Variants in NCLN observed in about 807,000 individuals in gnomAD.
NCLN encodes the protein nicalin.
NCLN carries 34 observed loss-of-function variants against 69.5 expected under a neutral mutation model. The observed-to-expected ratio is 0.49, with a 90% confidence interval of 0.37 to 0.65. The LOEUF is 0.65. NCLN is among the 30% of genes least tolerant of loss of function. The probability of loss-of-function intolerance (pLI) is 0.00; values close to 1 mark genes in which losing one functional copy is unlikely to be tolerated. For missense variants in NCLN, 710 were observed against 804.8 expected, an observed-to-expected ratio of 0.88 and a Z score of 1.42; for synonymous variants, 393 against 358.3, an observed-to-expected ratio of 1.10 and a Z score of -1.09.
intron 1 of NCLN, among the ~76,000 whole-genome samples, chr19:3,186,648 A>G (rs1915678976): frequency 1.3e-5 from 2 of 152,146 alleles, no homozygotes; most frequent in Admixed American, 6.5e-5. Context: ...TCCAGCTCCC[A>G]GGGTCCTGTT....
At chr19:3,191,186 G>A (rs1426835112) in intron 1 of NCLN, among the ~76,000 whole-genome samples, 1 of 152,100 alleles carries the variant, frequency 6.6e-6, no homozygotes. Flanking sequence ...TGCAGCTCAG[G>A]TGTGCGGAGC....
chr19:3,206,468 G>T, intron 12 of NCLN, 43 bp downstream of exon 12: 1 of 1,518,102 alleles, frequency 6.6e-7, no homozygotes, highest in South Asian at 1.2e-5. Context: ...GCCTGGGGCC[G>T]AGGGGGACCT....
At position 3,196,073 on chromosome 19, in the gene NCLN, C is replaced by T. The variant is rs978330152; in HGVS notation, c.521-110C>T. On this transcript the variant is annotated intron_variant, in intron 3 of 14. Coordinates refer to ENST00000246117, the MANE Select transcript of NCLN (RefSeq NM_020170.4). ...AATCTGCTGGTCACGTCCCCACACCCGGCTGGTTGGCTCTGCCCGAGCCCC... is the reference window on the plus strand; with the variant it reads ...AATCTGCTGGTCACGTCCCCACACCTGGCTGGTTGGCTCTGCCCGAGCCCC... 12 of 620,994 alleles carry T rather than the reference C, an allele frequency of 1.9e-5. No homozygotes were observed. In the East Asian group the frequency reaches 3.3e-4, roughly 17 times the overall value. 38.5% of individuals were successfully genotyped at this position (620,994 alleles called of 1,614,324 possible).
chr19:3,192,830 C>T (rs1027889544), intron 2 of NCLN, among the ~76,000 whole-genome samples, 170 bp downstream of exon 2: 4 of 152,144 alleles, frequency 2.6e-5, no homozygotes, highest in East Asian at 3.9e-4. Flanking sequence ...CTTCAGAGGA[C>T]GCTGGGTGAT....
chr19:3,198,838 G>A lies in NCLN; in HGVS notation c.637G>A (p.Gly213Arg), dbSNP rs564407893. The stretch of plus-strand genomic sequence containing the variant: ...ACAGGGGCGGCTGACGGGGCTGGGC[G>A]GAGAGGACCTTCCCACCATCGTCAT... ...SVEGRLTGLG[G>R]EDLPTIVIVA... is the part of the protein sequence containing the mutation. Residue 213 changes from glycine to arginine, a missense_variant, in exon 5 of 15, where the codon GGA becomes AGA. Gly to Arg is a moderately radical substitution (Grantham distance 125, BLOSUM62 -2). Transcript: ENST00000246117. The A allele has an allele frequency of 4.6e-5, 73 of 1,574,838 alleles. No homozygotes were observed. The South Asian group carries it at 6.1e-4, about 13-fold the overall frequency.
intron 4 of NCLN, among the ~76,000 whole-genome samples, chr19:3,197,470 C>G (rs1915995035): frequency 6.6e-6 from 1 of 152,284 alleles, no homozygotes; most frequent in South Asian, 2.1e-4. Flanking sequence ...GAGACAGAGT[C>G]TCTCTCTGTC....
At chr19:3,192,810 G>C in intron 2 of NCLN, 150 bp downstream of exon 2, 1 of 802,006 alleles carries the variant, frequency 1.2e-6, no homozygotes, top group Non-Finnish European at 1.9e-6. Context: ...TCTCCAAGGG[G>C]TGATTCTGTC....
intron 3 of NCLN, among the ~76,000 whole-genome samples, chr19:3,194,744 C>CTTTTTTTTTTT (rs745406038): frequency 7.3e-6 from 1 of 136,490 alleles, no homozygotes; most frequent in Non-Finnish European, 1.6e-5. Flanking sequence ...GAGTCGTCTT[C>CTTTTTTTTTTT]TTTTTTTTTT....
chr19:3,200,367 G>A (rs1916094556), intron 5 of NCLN, among the ~76,000 whole-genome samples: 1 of 144,154 alleles, frequency 6.9e-6, no homozygotes, highest in African/African-American at 2.6e-5. Flanking sequence ...CTGGAGTGTA[G>A]TGGCGAGATC....
chr19:3,203,856 CG>C lies in NCLN; in HGVS notation c.889+15del, dbSNP rs1916188626. ...CCTGGACCACACAGGTGAGCGGCCC[CG>C]GGTGGGGGTGGGGGTGCCGCGGTGG... On this transcript the variant is annotated intron_variant, in intron 7 of 14. Transcript: ENST00000246117. 14 of 1,610,292 alleles carry C rather than the reference CG, an allele frequency of 8.7e-6. No homozygotes were observed. Among genetic ancestry groups the C allele is most frequent in the African/African-American group, 1.3e-5 (1 of 74,818 alleles).
rs538321269 is a variant in NCLN, at chr19:3,206,380, G to A, written c.1454G>A (p.Arg485His). The change falls in exon 12 of 15, where the codon CGC becomes CAC. Residue 485 changes from arginine (R) to histidine (H), a missense_variant. Coordinates refer to ENST00000246117, the MANE Select transcript of NCLN (RefSeq NM_020170.4). ...FLSTLEHHLS[R>H]YLKDVKQHHV... is the part of the protein sequence containing the mutation. ...AGCACGCTGGAGCACCACCTGAGCC[G>A]CTACCTGAAGGACGTGAAGCAGCAC... 27 of 1,548,092 alleles carry A rather than the reference G, an allele frequency of 1.7e-5. No individual in the cohort carries two copies. Among genetic ancestry groups the A allele is most frequent in the East Asian group, 2.4e-5 (1 of 40,932 alleles).
intron 1 of NCLN, 140 bp downstream of exon 1, chr19:3,186,354 CCGCCCTGGACCCCCGGG>C (rs1422930992): frequency 2.0e-6 from 2 of 990,892 alleles, no homozygotes; most frequent in South Asian, 4.5e-5. Flanking sequence ...CAGAGCCCTG[CCGCCCTGGACCCCCGGG>C]CGCCCTGGAA....
At chr19:3,207,349 C>T (rs771438494) in intron 13 of NCLN, 42 bp from the exon 14 acceptor site, 11 of 1,612,550 alleles carry the variant, frequency 6.8e-6, no homozygotes, top group East Asian at 2.2e-5. Context: ...ATGTTACTGC[C>T]GCGCACCATC....
At chr19:3,191,402 C>T (rs1472171985) in intron 1 of NCLN, among the ~76,000 whole-genome samples, 2 of 152,198 alleles carry the variant, frequency 1.3e-5, no homozygotes, top group African/African-American at 4.8e-5. Flanking sequence ...CGTGGCCTTC[C>T]AGGGAAGACC....
In NCLN at chr19:3,207,861, T is replaced by TG. The variant is rs143112249; in HGVS notation, c.*181dup. 105 of 594,290 alleles carry TG rather than the reference T, an allele frequency of 1.8e-4. 1 individual carries two copies. Among genetic ancestry groups the TG allele is most frequent in the Middle Eastern group, 4.3e-4 (1 of 2,324 alleles). 36.8% of individuals were successfully genotyped at this position (594,290 alleles called of 1,614,324 possible). On this transcript the variant is annotated 3_prime_UTR_variant, in exon 15 of 15. Coordinates refer to ENST00000246117, the MANE Select transcript of NCLN (RefSeq NM_020170.4). ...GCTTTTTTCTGTTGCTCTCCGAGAC[T>TG]GGGGGGGGATTGTTTCTTCTTTTCC...
In NCLN at chr19:3,206,325, C is replaced by T. The variant is rs1390825312; in HGVS notation, c.1399C>T (p.Gln467Ter). The T allele has an allele frequency of 6.5e-7, 1 of 1,548,294 alleles. No homozygotes were observed. The highest frequency in any genetic ancestry group is 2.0e-5 in the Admixed American group (1 of 51,010). Residue 467 changes from glutamine (Q) to a stop codon, truncating the protein, a stop_gained, in exon 12 of 15, where the codon CAG becomes TAG. Transcript: ENST00000246117. LOFTEE classifies it high-confidence loss of function. ...GCTCACCAACCAGCCGCGGGCCGCG[C>T]AGCTGGTGGACAAGGACAGCACCTT... The part of the protein sequence containing the change: ...DWLTNQPRAA[Q>*]LVDKDSTFLS...
intron 3 of NCLN, among the ~76,000 whole-genome samples, chr19:3,194,619 C>T (rs1286521910): frequency 6.6e-6 from 1 of 152,214 alleles, no homozygotes; most frequent in East Asian, 1.9e-4. Context: ...TTGCAGAAAA[C>T]GTTCCCAACC....
In NCLN at chr19:3,192,558, C is replaced by T. The variant is rs751195921; in HGVS notation, c.273C>T (p.Asp91=). ...SRRCVLMRLL[D]FSYEQYQKAL... ...GCTGCGTGCTCATGCGGCTACTGGA[C>T]TTCTCCTACGAGCAGTACCAGAAGG... Residue 91 remains aspartate, a synonymous_variant, in exon 2 of 15, where the codon GAC becomes GAT. Coordinates refer to ENST00000246117, the MANE Select transcript of NCLN (RefSeq NM_020170.4). 3.7e-6 allele frequency: 6 copies of T among 1,610,136 alleles called. No individual in the cohort carries two copies. The South Asian group carries it at 4.4e-5, about 12-fold the overall frequency.
At position 3,207,711 on chromosome 19, in the gene NCLN, G is replaced by T; in HGVS notation, c.*23G>T. 1 of 1,595,074 alleles carries T rather than the reference G, an allele frequency of 6.3e-7. No individual in the cohort carries two copies. Among genetic ancestry groups the T allele is most frequent in the South Asian group, 1.1e-5 (1 of 90,396 alleles). ...TGACACAGCCACCCCCACAGCCGGAGCCCCCGCCGCTCCACAGTCCCTGGG... is the reference window on the plus strand; with the variant it reads ...TGACACAGCCACCCCCACAGCCGGATCCCCCGCCGCTCCACAGTCCCTGGG... On this transcript the variant is annotated 3_prime_UTR_variant, in exon 15 of 15. Coordinates refer to ENST00000246117, the MANE Select transcript of NCLN (RefSeq NM_020170.4).
Sources: gnomAD v4.1 joint callset for allele counts (sites outside exome capture counted in the v4.1 genomes callset) on GRCh38, gnomAD v4.1.1 for gene constraint, MANE v1.5 for transcripts, NCBI Gene and HGNC (gene_info 2026-07-23, HGNC 2026-07-21) for gene names.